PAPSS2: variants seen among roughly 807,000 people sequenced by gnomAD.
PAPSS2 encodes the protein bifunctional 3'-phosphoadenosine 5'-phosphosulfate synthase 2.
Under a neutral mutation model 66.5 loss-of-function variants are expected in PAPSS2, and 61 were observed. That is an observed-to-expected ratio of 0.92 (90% CI 0.75 to 1.14). The LOEUF (loss-of-function observed/expected upper bound fraction) is 1.14. Ranked by LOEUF, PAPSS2 falls within the 50% of genes most tolerant of loss-of-function variation. The pLI is 0.00. For synonymous variants in PAPSS2, 289 were observed against 287.5 expected, an observed-to-expected ratio of 1.01 and a Z score of -0.05; for missense variants, 708 against 789.6, an observed-to-expected ratio of 0.90 and a Z score of 1.24.
intron 11 of PAPSS2, 62 bp downstream of exon 11, chr10:87,743,703 A>C: frequency 6.4e-7 from 1 of 1,566,168 alleles, no homozygotes; most frequent in Non-Finnish European, 8.8e-7. Context: ...TTTACATAGA[A>C]GAGTAAATGA....
At chr10:87,661,837 A>C (rs1852756396) in intron 1 of PAPSS2, among the ~76,000 whole-genome samples, 1 of 152,210 alleles carries the variant, frequency 6.6e-6, no homozygotes, top group Non-Finnish European at 1.5e-5. Context: ...CAGCTAACTG[A>C]AATAGAACTT....
At chr10:87,687,998 T>C (rs920183746) in intron 1 of PAPSS2, among the ~76,000 whole-genome samples, 9 of 152,206 alleles carry the variant, frequency 5.9e-5, no homozygotes, top group African/African-American at 2.2e-4. Context: ...TCTAATGTTC[T>C]AATCAATTAA....
chr10:87,741,257 G>A lies in PAPSS2; in HGVS notation c.1109G>A (p.Trp370Ter), dbSNP rs1308961308. Residue 370 changes from tryptophan to a stop codon, truncating the protein, a stop_gained, in exon 10 of 13, where the codon TGG (tryptophan) becomes TAG (stop). Transcript: ENST00000456849. LOFTEE classifies it high-confidence loss of function. ...TAGATGGTGATGGAAAGTGGGGACT[G>A]GCTGGTTGGTGGAGACCTTCAGGTG... ...HIKMVMESGD[W>*]LVGGDLQVLE... The A allele has an allele frequency of 1.9e-6, 3 of 1,613,818 alleles. No homozygotes were observed. The highest frequency in any genetic ancestry group is 2.5e-6 in the Non-Finnish European group (3 of 1,179,690).
rs138936746 is a variant in PAPSS2 at position 87,712,104 on chromosome 10, G to A, written c.146-971G>A. On this transcript the variant is annotated intron_variant, in intron 2 of 12. Coordinates refer to ENST00000456849, the MANE Select transcript of PAPSS2 (RefSeq NM_001015880.2). ...GATCATTGTGCTTTGAAACCATGGT[G>A]GAAGCCACATGGTAACTCTTTTCTC... 1.0e-3 allele frequency among the ~76,000 whole-genome samples: 159 copies of A among 152,250 alleles called. 1 individual carries two copies. Among genetic ancestry groups the A allele is most frequent in the Middle Eastern group, 0.01 (3 of 294 alleles).
At chr10:87,722,833 C>T (rs1016294852) in intron 8 of PAPSS2, among the ~76,000 whole-genome samples, 3 of 152,250 alleles carry the variant, frequency 2.0e-5, no homozygotes, top group Admixed American at 6.5e-5. Flanking sequence ...GTTGTAGCTA[C>T]AGGCTTATAA....
rs754157873 is a variant in PAPSS2 at position 87,741,285 on chromosome 10, G to C, written c.1137G>C (p.Leu379=). ...TGGTTGGTGGAGACCTTCAGGTGCT[G>C]GAGAAAATAAGATGGAATGATGGGC... ...DWLVGGDLQV[L]EKIRWNDGLD... The change falls in exon 10 of 13, where the codon CTG becomes CTC. Residue 379 remains leucine (L), a synonymous_variant. Coordinates refer to ENST00000456849, the MANE Select transcript of PAPSS2 (RefSeq NM_001015880.2). 1 of 1,613,732 alleles carries C rather than the reference G, an allele frequency of 6.2e-7. No homozygotes were observed. The highest frequency in any genetic ancestry group is 1.7e-5 in the Admixed American group (1 of 60,030).
At chr10:87,712,852 A>C (rs1853479410) in intron 2 of PAPSS2, among the ~76,000 whole-genome samples, 2 of 152,122 alleles carry the variant, frequency 1.3e-5, no homozygotes, top group Non-Finnish European at 1.5e-5. Context: ...CTATTTATGA[A>C]GCCTGCTTGC....
chr10:87,674,654 A>G (rs983074962), intron 1 of PAPSS2, among the ~76,000 whole-genome samples: 1 of 152,182 alleles, frequency 6.6e-6, no homozygotes, highest in African/African-American at 2.4e-5. Flanking sequence ...CTAGAAAATT[A>G]AGATCTATAA....
chr10:87,722,667 A>ATT (rs1853611419), intron 8 of PAPSS2, among the ~76,000 whole-genome samples: 2 of 152,230 alleles, frequency 1.3e-5, no homozygotes, highest in African/African-American at 4.8e-5. Context: ...ACATGAAGGA[A>ATT]AAGGCTGAAA....
At chr10:87,661,872 G>A (rs893978096) in intron 1 of PAPSS2, among the ~76,000 whole-genome samples, 1 of 152,084 alleles carries the variant, frequency 6.6e-6, no homozygotes, top group African/African-American at 2.4e-5. Context: ...TTAGTCTAAC[G>A]CAGTTATAAC....
intron 8 of PAPSS2, among the ~76,000 whole-genome samples, chr10:87,725,381 A>C (rs1853646022): frequency 6.6e-6 from 1 of 152,208 alleles, no homozygotes; most frequent in Non-Finnish European, 1.5e-5. Flanking sequence ...CTGAGAAATC[A>C]GAACACCCTG....
chr10:87,739,653 G>C (rs1035069761), intron 9 of PAPSS2, among the ~76,000 whole-genome samples: 5 of 152,190 alleles, frequency 3.3e-5, no homozygotes, highest in Non-Finnish European at 5.9e-5. Flanking sequence ...GTTCAAAACT[G>C]TGTTCATAAT....
intron 1 of PAPSS2, among the ~76,000 whole-genome samples, chr10:87,708,075 C>T (rs1853415008): frequency 6.6e-6 from 1 of 152,010 alleles, no homozygotes; most frequent in African/African-American, 2.4e-5. Flanking sequence ...GATTTTTTCC[C>T]CCTTGGATCA....
Position 87,743,676 on chromosome 10 carries a change from G to A in PAPSS2, c.1491+35G>A, listed in dbSNP as rs779163776. Reference sequence around the variant, plus strand: ...TCCCAGAGCTGGGCTTTGAGACTCAGGAATTCAGACTCAGACTTTACATAG... The same window carrying A: ...TCCCAGAGCTGGGCTTTGAGACTCAAGAATTCAGACTCAGACTTTACATAG... On this transcript the variant is annotated intron_variant, in intron 11 of 12. Transcript: ENST00000456849. 50 of 1,612,742 alleles carry A rather than the reference G, an allele frequency of 3.1e-5. No homozygotes were observed. The African/African-American group carries it at 6.4e-4, about 21-fold the overall frequency.
At chr10:87,667,322 C>T (rs1344076886) in intron 1 of PAPSS2, among the ~76,000 whole-genome samples, 4 of 151,878 alleles carry the variant, frequency 2.6e-5, no homozygotes, top group Non-Finnish European at 5.9e-5. Context: ...AGTGTGGTGG[C>T]GCGGGCCTGT....
At chr10:87,677,344 T>C (rs1321284417) in intron 1 of PAPSS2, among the ~76,000 whole-genome samples, 1 of 152,224 alleles carries the variant, frequency 6.6e-6, no homozygotes, top group African/African-American at 2.4e-5. Flanking sequence ...TCTTCTTCCT[T>C]CTATATTATT....
At chr10:87,672,163 A>G (rs183692439) in intron 1 of PAPSS2, among the ~76,000 whole-genome samples, 4 of 152,316 alleles carry the variant, frequency 2.6e-5, no homozygotes, top group East Asian at 1.9e-4. Flanking sequence ...TTGTGGGGCC[A>G]TGTAACAGTA....
chr10:87,700,524 G>A (rs1853289659), intron 1 of PAPSS2, among the ~76,000 whole-genome samples: 1 of 152,036 alleles, frequency 6.6e-6, no homozygotes, highest in African/African-American at 2.4e-5. Flanking sequence ...CAGCCACAGT[G>A]GCTTGTGCCT....
chr10:87,674,572 G>T (rs1018298310), intron 1 of PAPSS2, among the ~76,000 whole-genome samples: 1 of 152,128 alleles, frequency 6.6e-6, no homozygotes, highest in African/African-American at 2.4e-5. Context: ...TATGTCACCA[G>T]TAGAAACCAC....
Sources: gnomAD v4.1 joint callset for allele counts (sites outside exome capture counted in the v4.1 genomes callset) on GRCh38, gnomAD v4.1.1 for gene constraint, MANE v1.5 for transcripts, NCBI Gene and HGNC (gene_info 2026-07-23, HGNC 2026-07-21) for gene names.